EEF1E1: variants seen among roughly 807,000 people sequenced by gnomAD.
EEF1E1 encodes the protein eukaryotic translation elongation factor 1 epsilon-1.
In EEF1E1, 19 loss-of-function variants were observed where a neutral mutation model predicts 19.9. The observed-to-expected ratio is 0.95, with a 90% CI of 0.66 to 1.40. EEF1E1 has a LOEUF of 1.40. EEF1E1 is among the 40% of genes most tolerant of loss of function. EEF1E1 has a pLI of 0.00. For synonymous variants in EEF1E1, 81 were observed against 80.0 expected (o/e 1.01, Z -0.07); for missense variants, 198 against 202.2 (o/e 0.98, Z 0.13).
chr6:8,093,942 T>C (rs995609576), intron 2 of EEF1E1, among the ~76,000 whole-genome samples: 1 of 151,828 alleles, frequency 6.6e-6, no homozygotes, highest in African/African-American at 2.4e-5. Flanking sequence ...GGACTACAGG[T>C]GCGTGCCATC....
intron 2 of EEF1E1, among the ~76,000 whole-genome samples, chr6:8,090,684 A>C (rs533329982): frequency 2.8e-4 from 43 of 152,300 alleles, no homozygotes; most frequent in Non-Finnish European, 4.9e-4. Context: ...ATATCCATGA[A>C]ACAATAATTC....
In EEF1E1 at chr6:8,084,688, G is replaced by A. The variant is rs142036578; in HGVS notation, c.385-4658C>T. ...TAATATAAAGCTTAAAAAGTTAAAT[G>A]TCAAACCATATGTCACATTTAAATA... On this transcript the variant is annotated intron_variant, in intron 3 of 3. Coordinates refer to ENST00000379715, the MANE Select transcript of EEF1E1 (RefSeq NM_004280.5). Among the ~76,000 whole-genome samples the A allele has an allele frequency of 1.8e-3, 269 of 152,288 alleles. 3 individuals are homozygous for A. Among genetic ancestry groups the A allele is most frequent in the African/African-American group, 6.2e-3 (259 of 41,564 alleles).
In EEF1E1 at chr6:8,079,689, A is replaced by G. The variant is rs1757678680; in HGVS notation, c.*201T>C. ...ACTGGATCTCAACTTGTTTAATAGC[A>G]ATTGAATTTTGACATAAAAATTGCA... On this transcript the variant is annotated 3_prime_UTR_variant, in exon 4 of 4. Transcript: ENST00000379715. The G allele has an allele frequency of 7.9e-7, 1 of 1,269,446 alleles. No individual in the cohort carries two copies. The highest frequency in any genetic ancestry group is 1.0e-6 in the Non-Finnish European group (1 of 1,004,304). 78.6% of individuals were successfully genotyped at this position (1,269,446 alleles called of 1,614,324 possible).
intron 3 of EEF1E1, among the ~76,000 whole-genome samples, chr6:8,084,544 G>C (rs1302186312): frequency 1.3e-5 from 2 of 152,154 alleles, no homozygotes; most frequent in African/African-American, 4.8e-5. Flanking sequence ...ATTAGATGTA[G>C]AAATACTCTC....
intron 2 of EEF1E1, among the ~76,000 whole-genome samples, chr6:8,091,584 T>G (rs1196630423): frequency 6.6e-6 from 1 of 152,244 alleles, no homozygotes; most frequent in Non-Finnish European, 1.5e-5. Context: ...AGGTATTTTC[T>G]GGCAGAACAG....
At chr6:8,078,540 G>A (rs963533719), downstream of EEF1E1, 5 of 673,982 alleles carry the variant, frequency 7.4e-6, no homozygotes, top group Admixed American at 6.0e-5. Flanking sequence ...ACAAGCCGAC[G>A]GAAAAATGGT....
intron 1 of EEF1E1, among the ~76,000 whole-genome samples, chr6:8,099,980 G>C (rs1758304740): frequency 6.6e-6 from 1 of 151,934 alleles, no homozygotes; most frequent in South Asian, 2.1e-4. Context: ...ACTATGATTG[G>C]TAATGTTGCA....
chr6:8,077,092 C>A (rs139454203), downstream of EEF1E1, among the ~76,000 whole-genome samples: 16 of 152,006 alleles, frequency 1.1e-4, no homozygotes, highest in East Asian at 1.9e-3. Flanking sequence ...TACAGGCGCC[C>A]GCCACCACAC....
chr6:8,097,555 T>G, intron 1 of EEF1E1, 88 bp from the exon 2 acceptor site: 1 of 1,058,994 alleles, frequency 9.4e-7, no homozygotes, highest in Non-Finnish European at 1.4e-6. Context: ...ATCCCTCAAG[T>G]GTTTTTTGAA....
At chr6:8,101,244 ATAT>A (rs1427424390) in intron 1 of EEF1E1, among the ~76,000 whole-genome samples, 1,462 of 41,550 alleles carry the variant, frequency 0.035, 127 homozygotes, top group Non-Finnish European at 0.041. Context: ...AAAAAAAAAA[ATAT>A]ATATATATAT....
intron 3 of EEF1E1, among the ~76,000 whole-genome samples, chr6:8,089,467 A>C (rs1757957285): frequency 6.6e-6 from 1 of 152,322 alleles, no homozygotes; most frequent in South Asian, 2.1e-4. Flanking sequence ...AGAACTTGGG[A>C]GTCTGATGTT....
intron 3 of EEF1E1, among the ~76,000 whole-genome samples, chr6:8,080,984 C>A (rs1396030604): frequency 1.3e-5 from 2 of 152,236 alleles, no homozygotes; most frequent in Non-Finnish European, 2.9e-5. Flanking sequence ...GTTCTGCAGA[C>A]AAGCATTCTG....
At chr6:8,099,754 ACACACACACACACAC>A (rs1758276831) in intron 1 of EEF1E1, among the ~76,000 whole-genome samples, 3 of 93,940 alleles carry the variant, frequency 3.2e-5, no homozygotes, top group Non-Finnish European at 6.5e-5. Context: ...CCTCAAAAAC[ACACACACACACACAC>A]ACACACACAC....
rs1295388656 is a variant in EEF1E1, at chr6:8,080,008, T to C, written c.407A>G (p.Lys136Arg). 10 of 1,613,548 alleles carry C rather than the reference T, an allele frequency of 6.2e-6. No homozygotes were observed. Among genetic ancestry groups the C allele is most frequent in the Non-Finnish European group, 8.5e-6 (10 of 1,179,884 alleles). Residue 136 changes from lysine (K) to arginine (R), a missense_variant, in exon 4 of 4, where the codon AAG (lysine) becomes AGG (arginine). By Grantham distance (26) the Lys-to-Arg change is conservative (BLOSUM62 2). Transcript: ENST00000379715. ...RFIVDLTVQE[K>R]EKYLNVSRWF... ...GCGAGACACATTAAGATATTTCTCC[T>C]TTTCTTGAACTGTCAGGTCAACCTA...
downstream of EEF1E1, among the ~76,000 whole-genome samples, chr6:8,074,492 C>G (rs565737297): frequency 6.6e-6 from 1 of 152,080 alleles, no homozygotes; most frequent in African/African-American, 2.4e-5. Flanking sequence ...TTACTAAGCC[C>G]GGCGGAAGAA....
In EEF1E1 at chr6:8,100,285, T is replaced by C. The variant is rs187413318; in HGVS notation, c.87+2150A>G. On this transcript the variant is annotated intron_variant, in intron 1 of 3. Coordinates refer to ENST00000379715, the MANE Select transcript of EEF1E1 (RefSeq NM_004280.5). Reference sequence around the variant, plus strand: ...CTTCATAATTTATTGGTTTTACACATCTTTCAAAGCATAATCCCTTAAATG... The same window carrying C: ...CTTCATAATTTATTGGTTTTACACACCTTTCAAAGCATAATCCCTTAAATG... 2.2e-3 allele frequency among the ~76,000 whole-genome samples: 338 copies of C among 152,338 alleles called. 1 individual carries two copies. Among genetic ancestry groups the C allele is most frequent in the African/African-American group, 7.6e-3 (318 of 41,574 alleles).
At chr6:8,100,745 C>G (rs1247069364) in intron 1 of EEF1E1, among the ~76,000 whole-genome samples, 1 of 151,844 alleles carries the variant, frequency 6.6e-6, no homozygotes, top group Non-Finnish European at 1.5e-5. Context: ...CATACTTTCT[C>G]TAATAAATCT....
At chr6:8,099,487 C>T (rs1581476879) in intron 1 of EEF1E1, among the ~76,000 whole-genome samples, 1 of 152,142 alleles carries the variant, frequency 6.6e-6, no homozygotes, top group Non-Finnish European at 1.5e-5. Context: ...TGGCTCACGC[C>T]TGTAATCCCA....
downstream of EEF1E1, among the ~76,000 whole-genome samples, chr6:8,074,754 C>T (rs1264043102): frequency 1.3e-5 from 2 of 152,198 alleles, no homozygotes; most frequent in African/African-American, 2.4e-5. Flanking sequence ...GAAGCCAGGT[C>T]TTCATCTTTC....
Sources: gnomAD v4.1 joint callset for allele counts (sites outside exome capture counted in the v4.1 genomes callset) on GRCh38, gnomAD v4.1.1 for gene constraint, MANE v1.5 for transcripts, NCBI Gene and HGNC (gene_info 2026-07-23, HGNC 2026-07-21) for gene names.